Variants in DGKG observed in about 807,000 individuals in gnomAD.
DGKG encodes the protein diacylglycerol kinase gamma.
In DGKG, 78 loss-of-function variants were observed where a neutral mutation model predicts 105.3. The ratio of observed to expected loss-of-function variants is 0.74; its 90% confidence interval spans 0.62 to 0.89. The LOEUF is 0.89. Among genes scored for constraint, DGKG ranks in the 40% least tolerant of loss-of-function variants. The pLI, the probability that DGKG is intolerant of heterozygous loss-of-function variation, is 0.00. For missense variants in DGKG, 958 were observed against 1,020.1 expected (o/e 0.94, Z 0.83); for synonymous variants, 346 against 367.1 (o/e 0.94, Z 0.66).
chr3:186,161,179 G>GT (rs1369128616), intron 24 of DGKG: 2 of 992,940 alleles, frequency 2.0e-6, no homozygotes, highest in Admixed American at 5.9e-5. Context: ...CAAATTCTAG[G>GT]TAAGGTAAGT....
intron 20 of DGKG, among the ~76,000 whole-genome samples, chr3:186,234,849 T>C (rs2108544121): frequency 6.6e-6 from 1 of 152,280 alleles, no homozygotes; most frequent in African/African-American, 2.4e-5. Context: ...ATACTACGAA[T>C]GTTAGGGCAG....
intron 21 of DGKG, among the ~76,000 whole-genome samples, chr3:186,192,938 C>T (rs777474798): frequency 7.9e-5 from 12 of 152,232 alleles, no homozygotes; most frequent in Non-Finnish European, 1.6e-4. Context: ...TTCCGTACTA[C>T]AGTTTTAACT....
At chr3:186,193,654 G>A (rs983695188) in intron 21 of DGKG, among the ~76,000 whole-genome samples, 2 of 152,196 alleles carry the variant, frequency 1.3e-5, no homozygotes, top group African/African-American at 4.8e-5. Flanking sequence ...GAAGGCAGCC[G>A]TGCCGTCTGG....
intron 21 of DGKG, among the ~76,000 whole-genome samples, chr3:186,199,794 G>A (rs1442481510): frequency 6.6e-6 from 1 of 152,172 alleles, no homozygotes; most frequent in Non-Finnish European, 1.5e-5. Context: ...ATTACAGGGT[G>A]TGAGCCACTG....
At chr3:186,186,938 G>A (rs1717666754) in intron 22 of DGKG, among the ~76,000 whole-genome samples, 1 of 152,238 alleles carries the variant, frequency 6.6e-6, no homozygotes. Context: ...GGCCTCTAAA[G>A]CATACTACCC....
In DGKG at chr3:186,288,812, C is replaced by A; in HGVS notation, c.442G>T (p.Val148Phe). 3.7e-6 allele frequency: 6 copies of A among 1,612,256 alleles called. No individual in the cohort carries two copies. The highest frequency in any genetic ancestry group is 4.2e-6 in the Non-Finnish European group (5 of 1,179,012). ...GATTCCGAGCTTGAAGACCGAGGGACGGGGGGTTCCAGGGGGGTCGCAGCC... is the reference window on the plus strand; with the variant it reads ...GATTCCGAGCTTGAAGACCGAGGGAAGGGGGGTTCCAGGGGGGTCGCAGCC... Reference protein sequence around the residue: ...QVAATPLEPPVPRSSSSESPV... With the variant: ...QVAATPLEPPFPRSSSSESPV... The change falls in exon 6 of 25, where the codon GTC becomes TTC. Residue 148 changes from valine to phenylalanine, a missense_variant. Transcript: ENST00000265022.
Position 186,348,451 on chromosome 3 carries a change from C to CTTTTTTTTTT in DGKG, c.-249+13485_-249+13494dup, listed in dbSNP as rs1159516433. On this transcript the variant is annotated intron_variant, in intron 1 of 24. Transcript: ENST00000265022. ...TGAATAGAGAATTCTGGCTCATAAT[C>CTTTTTTTTTT]TTTTTTTTTTTTTTTTTTTTGAGAT... Among the ~76,000 whole-genome samples, 23 of 50,700 alleles carry CTTTTTTTTTT rather than the reference C, an allele frequency of 4.5e-4. 1 individual carries two copies. The highest frequency in any genetic ancestry group is 1.7e-3 in the African/African-American group (23 of 13,930). 33.3% of individuals were successfully genotyped at this position (50,700 alleles called of 152,430 possible).
intron 24 of DGKG, among the ~76,000 whole-genome samples, chr3:186,151,170 C>G (rs1715740728): frequency 1.3e-5 from 2 of 152,136 alleles, no homozygotes; most frequent in South Asian, 4.1e-4. Context: ...TCACAAAGAT[C>G]AAAGAATAGA....
chr3:186,221,155 G>A (rs1213148241), intron 20 of DGKG, among the ~76,000 whole-genome samples: 1 of 152,208 alleles, frequency 6.6e-6, no homozygotes, highest in Non-Finnish European at 1.5e-5. Context: ...AGCCTGACTG[G>A]AGAATGGCCA....
intron 3 of DGKG, among the ~76,000 whole-genome samples, chr3:186,304,252 G>C (rs1000345213): frequency 2.0e-5 from 3 of 152,222 alleles, no homozygotes; most frequent in Admixed American, 6.5e-5. Flanking sequence ...AGCTGGGGGT[G>C]GGGGGTGTGG....
In DGKG at chr3:186,152,036, A is replaced by G. The variant is rs967801790; in HGVS notation, c.2278-1848T>C. Among the ~76,000 whole-genome samples the G allele has an allele frequency of 2.6e-5, 4 of 152,112 alleles. No homozygotes were observed. In the South Asian group the frequency reaches 6.2e-4, roughly 24 times the overall value. On this transcript the variant is annotated intron_variant, in intron 24 of 24. Coordinates refer to ENST00000265022, the MANE Select transcript of DGKG (RefSeq NM_001346.3). The stretch of plus-strand genomic sequence containing the variant: ...GGAGGTTGTGGTGAGCCAAGATTGC[A>G]CCACTGCACTCCAGCCTGTGCGACA...
chr3:186,343,044 C>T (rs1726156613), intron 1 of DGKG, among the ~76,000 whole-genome samples: 1 of 152,030 alleles, frequency 6.6e-6, no homozygotes, highest in Non-Finnish European at 1.5e-5. Context: ...ATCTGAAATA[C>T]TAAATGACAA....
At chr3:186,321,579 C>T (rs1725078207) in intron 1 of DGKG, among the ~76,000 whole-genome samples, 1 of 152,216 alleles carries the variant, frequency 6.6e-6, no homozygotes, top group South Asian at 2.1e-4. Context: ...ACAGGCTCTA[C>T]TGTTGCCAAA....
intron 20 of DGKG, among the ~76,000 whole-genome samples, chr3:186,222,045 T>G (rs997326797): frequency 1.3e-5 from 2 of 152,302 alleles, no homozygotes; most frequent in African/African-American, 2.4e-5. Context: ...GGTACTATGG[T>G]GGCTATTTGT....
At chr3:186,195,478 C>T (rs1490083124) in intron 21 of DGKG, among the ~76,000 whole-genome samples, 3 of 152,104 alleles carry the variant, frequency 2.0e-5, no homozygotes, top group Non-Finnish European at 4.4e-5. Context: ...CTCTTTTGAT[C>T]TATAGACTCC....
chr3:186,298,215 A>G lies in DGKG; in HGVS notation c.159T>C (p.Asp53=). The G allele has an allele frequency of 1.2e-6, 2 of 1,600,100 alleles. No homozygotes were observed. The highest frequency in any genetic ancestry group is 1.7e-6 in the Non-Finnish European group (2 of 1,173,490). ...QYDPHEPISY[D]VFKLFMRAYL... is the part of the protein sequence containing the mutation. The stretch of plus-strand genomic sequence containing the variant: ...ACGCCCTCATGAACAGCTTGAAGAC[A>G]TCATAGCTAATCGGCTGAGAAGGGG... Residue 53 remains aspartate, a synonymous_variant, in exon 4 of 25, where the codon GAT becomes GAC. Transcript: ENST00000265022.
chr3:186,342,222 T>A (rs976567171), intron 1 of DGKG, among the ~76,000 whole-genome samples: 4 of 152,092 alleles, frequency 2.6e-5, no homozygotes, highest in African/African-American at 9.7e-5. Flanking sequence ...CAGCAAGAGA[T>A]TGATTTGTTA....
chr3:186,299,833 C>CT, intron 3 of DGKG, among the ~76,000 whole-genome samples: 1 of 97,722 alleles, frequency 1.0e-5, no homozygotes, highest in African/African-American at 3.9e-5. Flanking sequence ...TTCTTTCTTT[C>CT]TTTCTTTTTT....
chr3:186,169,413 G>T (rs1219741954), intron 22 of DGKG, among the ~76,000 whole-genome samples: 2 of 152,096 alleles, frequency 1.3e-5, no homozygotes, highest in African/African-American at 4.8e-5. Flanking sequence ...TTATAAGTGT[G>T]CATTAATGTT....
Sources: allele counts gnomAD v4.1 joint callset (sites outside exome capture counted in the v4.1 genomes callset), GRCh38; gene constraint gnomAD v4.1.1; transcripts MANE v1.5; gene names NCBI Gene and HGNC (gene_info 2026-07-23, HGNC 2026-07-21).